The following PRXL2B variants were observed in gnomAD, a reference collection of about 807,000 sequenced individuals.
The protein encoded by PRXL2B is peroxiredoxin like 2B.
In PRXL2B, 26 loss-of-function variants were observed where a neutral mutation model predicts 24.4. The ratio of observed to expected loss-of-function variants is 1.07; its 90% CI spans 0.78 to 1.48. The LOEUF (loss-of-function observed/expected upper bound fraction) is 1.48, where lower values mean the gene tolerates loss of function less well. Among genes scored for constraint, PRXL2B ranks in the 40% most tolerant of loss-of-function variants. The pLI is 0.00. For missense variants in PRXL2B, 269 were observed against 264.8 expected, an observed-to-expected ratio of 1.02 and a Z score of -0.11; for synonymous variants, 115 against 118.9, an observed-to-expected ratio of 0.97 and a Z score of 0.21.
rs759137607 is a variant in PRXL2B at position 2,589,464 on chromosome 1, G to T, written c.*37G>T. ...GCCCTGGCCTCCGAGGATCTGGGTG[G>T]CGTCTGCTGCCCTAGGTGTGCTGGA... On this transcript the variant is annotated 3_prime_UTR_variant, in exon 7 of 7. Coordinates refer to ENST00000419916, the MANE Select transcript of PRXL2B (RefSeq NM_152371.5). 5.0e-6 allele frequency: 8 copies of T among 1,613,648 alleles called. No individual in the cohort carries two copies. The highest frequency in any genetic ancestry group is 1.7e-5 in the Admixed American group (1 of 59,994).
chr1:2,589,848 G>T lies in PRXL2B; in HGVS notation c.*421G>T. On this transcript the variant is annotated 3_prime_UTR_variant, in exon 7 of 7. Transcript: ENST00000419916. ...TGGGGTCAGCTCCAGCAGGGTCGGG[G>T]TCAGTGCCTGTGTCTGGTGGGGGCC... 4.4e-6 allele frequency: 1 copy of T among 226,276 alleles called. No homozygotes were observed. Among genetic ancestry groups the T allele is most frequent in the Non-Finnish European group, 8.7e-6 (1 of 115,000 alleles). The allele number at this position is 226,276 out of a possible 1,614,324, so 14.0% of individuals were successfully genotyped here. A position where few individuals can be genotyped will look rare whatever the true frequency, so the allele number is the denominator to read the frequency against.
In PRXL2B at chr1:2,589,454, G is replaced by A. The variant is rs920894175; in HGVS notation, c.*27G>A. ...GGAGGCGAAGGCCCTGGCCTCCGAG[G>A]ATCTGGGTGGCGTCTGCTGCCCTAG... On this transcript the variant is annotated 3_prime_UTR_variant, in exon 7 of 7. Coordinates refer to ENST00000419916, the MANE Select transcript of PRXL2B (RefSeq NM_152371.5). 1 of 1,613,776 alleles carries A rather than the reference G, an allele frequency of 6.2e-7. No individual in the cohort carries two copies. Among genetic ancestry groups the A allele is most frequent in the South Asian group, 1.1e-5 (1 of 91,076 alleles).
At position 2,588,406 on chromosome 1, in the gene PRXL2B, A is replaced by C; in HGVS notation, c.337A>C (p.Ile113Leu). 6.2e-7 allele frequency: 1 copy of C among 1,614,118 alleles called. No individual in the cohort carries two copies. The highest frequency in any genetic ancestry group is 8.5e-7 in the Non-Finnish European group (1 of 1,180,038). The change falls in exon 4 of 7, where the codon ATC becomes CTC. Residue 113 changes from isoleucine to leucine, a missense_variant. Coordinates refer to ENST00000419916, the MANE Select transcript of PRXL2B (RefSeq NM_152371.5). ...TCTTCGCAGGTACAACAGCCTGAGC[A>C]TCCTCCCAGCAGCTCTGGGGAAGCC... ...LGFKRYNSLS[I>L]LPAALGKPVR...
In PRXL2B at chr1:2,587,442, C is replaced by T. The variant is rs943598959; in HGVS notation, c.268+147C>T. The T allele has an allele frequency of 1.0e-6, 1 of 988,256 alleles. No individual in the cohort carries two copies. 61.2% of individuals were successfully genotyped at this position (988,256 alleles called of 1,614,324 possible). ...GTCAGCGTCCCTCATCTCTCCCTGC[C>T]TCCCCGCCCCGCAGCTGGTGGCTGG... On this transcript the variant is annotated intron_variant, in intron 2 of 6. Transcript: ENST00000419916. The surrounding 1 kb of genome is among the most constrained non-coding windows in gnomAD (Gnocchi z 6.1).
At chr1:2,588,061 A>T (rs1371842705) in intron 3 of PRXL2B, among the ~76,000 whole-genome samples, 1 of 152,048 alleles carries the variant, frequency 6.6e-6, no homozygotes, top group Non-Finnish European at 1.5e-5. Context: ...ATCAGGGGCC[A>T]TCCTAGCTTT....
upstream of PRXL2B, chr1:2,586,617 A>T: frequency 1.4e-6 from 1 of 691,978 alleles, no homozygotes; most frequent in Non-Finnish European, 2.0e-6. Context: ...AGGCGGGACT[A>T]GGGGCGAATC....
Position 2,587,394 on chromosome 1 carries a change from G to C in PRXL2B, c.268+99G>C. 1 of 1,384,530 alleles carries C rather than the reference G, an allele frequency of 7.2e-7. No homozygotes were observed. Among genetic ancestry groups the C allele is most frequent in the Non-Finnish European group, 9.8e-7 (1 of 1,018,914 alleles). The allele number at this position is 1,384,530 out of a possible 1,614,324, so 85.8% of individuals were successfully genotyped here. A position where few individuals can be genotyped will look rare whatever the true frequency, so the allele number is the denominator to read the frequency against. ...CCAACCCCGGCCCTTCTGTCTGCTG[G>C]AGCGGCCTTGATATGCCCACGGGTC... On this transcript the variant is annotated intron_variant, in intron 2 of 6. Coordinates refer to ENST00000419916, the MANE Select transcript of PRXL2B (RefSeq NM_152371.5). This position sits in a 1 kb window ranked among gnomAD's most constrained non-coding sequence, Gnocchi z 6.1.
In PRXL2B at chr1:2,587,765, A is replaced by G. The variant is rs1218762765; in HGVS notation, c.293A>G (p.Gln98Arg). The change falls in exon 3 of 7, where the codon CAG becomes CGG. Residue 98 changes from glutamine (Q) to arginine (R), a missense_variant. Coordinates refer to ENST00000419916, the MANE Select transcript of PRXL2B (RefSeq NM_152371.5). This position sits in a 1 kb window ranked among gnomAD's most constrained non-coding sequence, Gnocchi z 6.1. ...AGELYLDESKQLYKELGFKRY... is the reference protein window; with the variant it reads ...AGELYLDESKRLYKELGFKRY... ...GAGCTCTACCTGGATGAGAGCAAGC[A>G]GCTTTACAAGGAGCTAGGCTTCAAG... 9 of 1,587,432 alleles carry G rather than the reference A, an allele frequency of 5.7e-6. No individual in the cohort carries two copies. Among genetic ancestry groups the G allele is most frequent in the Non-Finnish European group, 7.7e-6 (9 of 1,165,460 alleles).
At position 2,588,430 on chromosome 1, in the gene PRXL2B, C is replaced by T. The variant is rs1483683431; in HGVS notation, c.361C>T (p.Pro121Ser). 10 of 1,614,186 alleles carry T rather than the reference C, an allele frequency of 6.2e-6. No homozygotes were observed. Among genetic ancestry groups the T allele is most frequent in the Non-Finnish European group, 8.5e-6 (10 of 1,180,040 alleles). ...LSILPAALGK[P>S]VRDVAAKAKA... ...CATCCTCCCAGCAGCTCTGGGGAAG[C>T]CCGTGCGTGATGTGGCTGCCAAGGT... is the stretch of plus-strand genomic sequence containing the variant. Residue 121 changes from proline (P) to serine (S), a missense_variant, in exon 4 of 7, where the codon CCC (proline) becomes TCC (serine). Transcript: ENST00000419916.
chr1:2,591,033 C>A lies in PRXL2B; in HGVS notation c.*1606C>A. ...CTCCTTGGGGTGCATGGGGGTGCCC[C>A]GGGCACAGTGGAACGTGTCTGCGAA... On this transcript the variant is annotated 3_prime_UTR_variant, in exon 7 of 7. Transcript: ENST00000419916. 1 of 1,606,118 alleles carries A rather than the reference C, an allele frequency of 6.2e-7. No homozygotes were observed. Among genetic ancestry groups the A allele is most frequent in the Non-Finnish European group, 8.5e-7 (1 of 1,177,196 alleles).
rs1644673481 is a variant in PRXL2B at position 2,590,844 on chromosome 1, C to T, written c.*1417C>T. The T allele has an allele frequency of 1.7e-6, 1 of 571,506 alleles. No homozygotes were observed. Among genetic ancestry groups the T allele is most frequent in the Non-Finnish European group, 2.8e-6 (1 of 359,284 alleles). 35.4% of individuals were successfully genotyped at this position (571,506 alleles called of 1,614,324 possible). A position where few individuals can be genotyped will look rare whatever the true frequency, so the allele number is the denominator to read the frequency against. On this transcript the variant is annotated 3_prime_UTR_variant, in exon 7 of 7. Transcript: ENST00000419916. ...CTGGGTGTCAGGCAGGTGGCTGCAC[C>T]CTAGGCCAGGCGCAGAGGCCTGGCA... is the stretch of plus-strand genomic sequence containing the variant.
Position 2,587,318 on chromosome 1 carries a change from G to A in PRXL2B, c.268+23G>A. On this transcript the variant is annotated intron_variant, in intron 2 of 6. Transcript: ENST00000419916. The surrounding 1 kb of genome is among the most constrained non-coding windows in gnomAD (Gnocchi z 6.1). ...GAGGTGCGTCCTGTTCCCCGCCGCG[G>A]CGGCGCACATACCCTTCCCTAAGCT... 1 of 1,545,762 alleles carries A rather than the reference G, an allele frequency of 6.5e-7. No homozygotes were observed. Among genetic ancestry groups the A allele is most frequent in the South Asian group, 1.2e-5 (1 of 84,730 alleles).
intron 6 of PRXL2B, 74 bp from the exon 7 acceptor site, chr1:2,589,336 T>C (rs1212867391): frequency 1.3e-6 from 2 of 1,575,760 alleles, no homozygotes; most frequent in African/African-American, 1.4e-5. Flanking sequence ...GGCTGGGGAT[T>C]GTCCAAGGGG....
Position 2,587,275 on chromosome 1 carries a change from A to T in PRXL2B, c.248A>T (p.Asp83Val). 1 of 1,572,434 alleles carries T rather than the reference A, an allele frequency of 6.4e-7. No individual in the cohort carries two copies. ...GCCCTGGGTCTGCAGGAGTTCCTGG[A>T]CGGCGACTACTTCGCGGGAGGTGCG... is the stretch of plus-strand genomic sequence containing the variant. ...PEALGLQEFL[D>V]GDYFAGELYL... The change falls in exon 2 of 7, where the codon GAC becomes GTC. Residue 83 changes from aspartate (D) to valine (V), a missense_variant. Transcript: ENST00000419916. The surrounding 1 kb of genome is among the most constrained non-coding windows in gnomAD (Gnocchi z 6.1).
chr1:2,588,185 C>T (rs1377155652), intron 3 of PRXL2B: 2 of 706,246 alleles, frequency 2.8e-6, no homozygotes, highest in East Asian at 5.4e-5. Flanking sequence ...TCTGTGGACC[C>T]TCGGCTAGCA....
rs763737210 is a variant in PRXL2B, at chr1:2,587,705, C to T, written c.269-36C>T. The T allele has an allele frequency of 7.6e-6, 12 of 1,582,400 alleles. No individual in the cohort carries two copies. The highest frequency in any genetic ancestry group is 2.3e-5 in the East Asian group (1 of 43,696). ...GTGAGTGGGTTGGGGGCTGGTTCTG[C>T]GCCTGGGGCACACACATGTGGCTTC... On this transcript the variant is annotated intron_variant, in intron 2 of 6. Coordinates refer to ENST00000419916, the MANE Select transcript of PRXL2B (RefSeq NM_152371.5). This position sits in a 1 kb window ranked among gnomAD's most constrained non-coding sequence, Gnocchi z 6.1.
At position 2,587,852 on chromosome 1, in the gene PRXL2B, C is replaced by T. The variant is rs1644566294; in HGVS notation, c.320+60C>T. On this transcript the variant is annotated intron_variant, in intron 3 of 6. Transcript: ENST00000419916. This position sits in a 1 kb window ranked among gnomAD's most constrained non-coding sequence, Gnocchi z 6.1. ...GTGGGGGGCCCAGGGGTTCCCACCG[C>T]TCCCTGCCACCTCCTCTCCCTGCTG... 6.5e-6 allele frequency: 10 copies of T among 1,532,122 alleles called. No homozygotes were observed. The South Asian group carries it at 1.2e-4, about 18-fold the overall frequency. 94.9% of individuals were successfully genotyped at this position (1,532,122 alleles called of 1,614,324 possible). A position where few individuals can be genotyped will look rare whatever the true frequency, so the allele number is the denominator to read the frequency against.
chr1:2,586,622 C>G, upstream of PRXL2B: 1 of 764,958 alleles, frequency 1.3e-6, no homozygotes, highest in Non-Finnish European at 1.8e-6. Flanking sequence ...GGACTAGGGG[C>G]GAATCCGAGG....
intron 5 of PRXL2B, 85 bp downstream of exon 5, chr1:2,588,710 T>C: frequency 6.8e-7 from 1 of 1,464,558 alleles, no homozygotes; most frequent in Non-Finnish European, 9.4e-7. Context: ...CTCTCTGGCT[T>C]GTCAGTCTCA....
Sources: gnomAD v4.1 joint callset for allele counts (sites outside exome capture counted in the v4.1 genomes callset) on GRCh38, gnomAD v4.1.1 for gene constraint, Gnocchi (gnomAD v3.1) non-coding constraint, MANE v1.5 for transcripts, NCBI Gene and HGNC (gene_info 2026-07-23, HGNC 2026-07-21) for gene names.